GSAP: variants seen among roughly 807,000 people sequenced by gnomAD.
The protein encoded by GSAP is gamma-secretase activating protein.
GSAP carries 118 observed loss-of-function variants against 131.7 expected under a neutral mutation model. The ratio of observed to expected loss-of-function variants is 0.90; its 90% CI spans 0.77 to 1.04. The LOEUF (loss-of-function observed/expected upper bound fraction) is 1.04, where lower values mean the gene tolerates loss of function less well. Among genes scored for constraint, GSAP ranks in the 50% least tolerant of loss-of-function variants. The probability of loss-of-function intolerance (pLI) is 0.00; values close to 1 mark genes in which losing one functional copy is unlikely to be tolerated. For missense variants in GSAP, 1,019 were observed against 1,013.2 expected (o/e 1.01, Z -0.08); for synonymous variants, 381 against 363.4 (o/e 1.05, Z -0.55).
At chr7:77,320,042 TA>T (rs1301744447) in intron 26 of GSAP, among the ~76,000 whole-genome samples, 35 of 152,022 alleles carry the variant, frequency 2.3e-4, no homozygotes, top group Non-Finnish European at 4.0e-4. Context: ...TCTTACACAA[TA>T]AAAAAATGAA....
Position 77,400,963 on chromosome 7 carries a change from C to A in GSAP, c.244-3548G>T, listed in dbSNP as rs551781722. On this transcript the variant is annotated intron_variant, in intron 3 of 30. Coordinates refer to ENST00000257626, the MANE Select transcript of GSAP (RefSeq NM_017439.4). ...TTTTTTTTTTTTTTTTTAACAAAAC[C>A]TCCATGGGTAGGCTCAACAACATAG... 7.4e-5 allele frequency among the ~76,000 whole-genome samples: 11 copies of A among 148,278 alleles called. No homozygotes were observed. In the South Asian group the frequency reaches 2.4e-3, roughly 32 times the overall value.
intron 2 of GSAP, 131 bp from the exon 3 acceptor site, chr7:77,404,746 C>G (rs1255692874): frequency 3.1e-6 from 2 of 637,328 alleles, no homozygotes; most frequent in East Asian, 5.6e-5. Flanking sequence ...CTGTGCCTGT[C>G]AGAGGGGGAC....
rs1291180081 is a variant in GSAP at position 77,323,738 on chromosome 7, A to G, written c.1832T>C (p.Val611Ala). ...SHQRLLMGLM[V>A]SELKDHFLRH... ...CAAAAAATGGTCTTTTAGCTCAGACACCATCTGAAAACAGGATATGCATTA... is the reference window on the plus strand; with the variant it reads ...CAAAAAATGGTCTTTTAGCTCAGACGCCATCTGAAAACAGGATATGCATTA... The change falls in exon 24 of 31, where the codon GTG (valine) becomes GCG (alanine). Residue 611 changes from valine (V) to alanine (A), a missense_variant. Transcript: ENST00000257626. The G allele has an allele frequency of 1.3e-6, 2 of 1,551,070 alleles. No homozygotes were observed. The highest frequency in any genetic ancestry group is 1.8e-6 in the Non-Finnish European group (2 of 1,126,814).
intron 7 of GSAP, among the ~76,000 whole-genome samples, chr7:77,381,962 C>T (rs1797872030): frequency 1.3e-5 from 2 of 150,350 alleles, no homozygotes; most frequent in African/African-American, 2.5e-5. Context: ...AAAGCCTTAC[C>T]CCTCAAGCCT....
intron 8 of GSAP, chr7:77,379,776 C>T (rs1797511897): frequency 9.5e-6 from 6 of 631,630 alleles, no homozygotes; most frequent in Non-Finnish European, 1.2e-5. Flanking sequence ...GTGCTCCCAT[C>T]CGTCTGTCCT....
At chr7:77,401,031 T>A (rs1801229486) in intron 3 of GSAP, among the ~76,000 whole-genome samples, 1 of 150,462 alleles carries the variant, frequency 6.6e-6, no homozygotes, top group Non-Finnish European at 1.5e-5. Context: ...ACAATAGAAG[T>A]TACCTAATTT....
In GSAP at chr7:77,397,005, C is replaced by A. The variant is rs745801321; in HGVS notation, c.344G>T (p.Gly115Val). Residue 115 changes from glycine to valine, a missense_variant, in exon 5 of 31, where the codon GGA (glycine) becomes GTA (valine). Transcript: ENST00000257626. ...ACCTGGTTGAAGTTCGTTCCTTTTTCCTTCTTTAGTAGACTGAACTAAACT... is the reference window on the plus strand; with the variant it reads ...ACCTGGTTGAAGTTCGTTCCTTTTTACTTCTTTAGTAGACTGAACTAAACT... Reference protein sequence around the residue: ...AASLVQSTKEGKRNELQPGSK... With the variant: ...AASLVQSTKEVKRNELQPGSK... The A allele has an allele frequency of 3.7e-6, 6 of 1,600,148 alleles. No homozygotes were observed. Among genetic ancestry groups the A allele is most frequent in the Non-Finnish European group, 5.1e-6 (6 of 1,170,804 alleles).
intron 5 of GSAP, among the ~76,000 whole-genome samples, chr7:77,394,849 C>T (rs1800105394): frequency 6.6e-6 from 1 of 152,188 alleles, no homozygotes; most frequent in South Asian, 2.1e-4. Context: ...TCCCAAGTGC[C>T]CTTGGCAGAA....
At chr7:77,316,471 G>A (rs1294861267) in intron 26 of GSAP, among the ~76,000 whole-genome samples, 1 of 152,076 alleles carries the variant, frequency 6.6e-6, no homozygotes, top group Non-Finnish European at 1.5e-5. Flanking sequence ...TGTGTTAATG[G>A]GCTAACAGGA....
chr7:77,416,179 G>A, intron 1 of GSAP, 34 bp downstream of exon 1: 3 of 435,046 alleles, frequency 6.9e-6, no homozygotes, highest in South Asian at 3.2e-5. Flanking sequence ...CCCACTCCCC[G>A]CCCCCACCCC....
At chr7:77,355,792 T>G (rs1793616633) in intron 14 of GSAP, 145 bp from the exon 15 acceptor site, 3 of 510,210 alleles carry the variant, frequency 5.9e-6, no homozygotes, top group Admixed American at 3.5e-5. Flanking sequence ...AGCCCGTTTT[T>G]TTTTTTTTTT....
chr7:77,356,992 G>C (rs542230047), intron 14 of GSAP, among the ~76,000 whole-genome samples: 2 of 152,294 alleles, frequency 1.3e-5, no homozygotes, highest in South Asian at 4.1e-4. Context: ...CACTTTACTA[G>C]AAAACCACAA....
At chr7:77,392,120 G>C (rs1381965899) in intron 5 of GSAP, among the ~76,000 whole-genome samples, 2 of 152,058 alleles carry the variant, frequency 1.3e-5, no homozygotes, top group Non-Finnish European at 2.9e-5. Flanking sequence ...GGCTACTCAG[G>C]AGGCTGAGGC....
At chr7:77,376,177 T>C (rs1796824832) in intron 10 of GSAP, among the ~76,000 whole-genome samples, 1 of 152,196 alleles carries the variant, frequency 6.6e-6, no homozygotes, top group African/African-American at 2.4e-5. Context: ...CCCCATCAAT[T>C]ATTAGGTTGG....
At position 77,355,215 on chromosome 7, in the gene GSAP, G is replaced by A. The variant is rs752273137; in HGVS notation, c.1336C>T (p.Gln446Ter). ...TAAAACATGAGCTATCTTCTCACCTGGGCTTCCAGGAACTGCGCACCTTGA... is the reference window on the plus strand; with the variant it reads ...TAAAACATGAGCTATCTTCTCACCTAGGCTTCCAGGAACTGCGCACCTTGA... ...CGQGAQFLEA[Q>*]IIQWISENVS... The change falls in exon 16 of 31, where the codon CAG (glutamine) becomes TAG (stop). Residue 446 changes from glutamine to a stop codon, truncating the protein, a stop_gained and splice_region_variant. Transcript: ENST00000257626. LOFTEE classifies it high-confidence loss of function. 6.2e-7 allele frequency: 1 copy of A among 1,601,296 alleles called. No homozygotes were observed. Among genetic ancestry groups the A allele is most frequent in the South Asian group, 1.1e-5 (1 of 90,730 alleles).
chr7:77,361,783 C>A (rs2150918182), intron 13 of GSAP, among the ~76,000 whole-genome samples: 1 of 152,312 alleles, frequency 6.6e-6, no homozygotes, highest in East Asian at 1.9e-4. Context: ...CTGTGATTGA[C>A]TACAGAACCA....
intron 23 of GSAP, 78 bp from the exon 24 acceptor site, chr7:77,323,820 T>C (rs1787969979): frequency 3.4e-6 from 2 of 594,738 alleles, no homozygotes; most frequent in South Asian, 2.1e-5. Flanking sequence ...GATCCACTTA[T>C]TAACATTCTT....
At chr7:77,356,335 C>A (rs1225620997) in intron 14 of GSAP, among the ~76,000 whole-genome samples, 2 of 152,158 alleles carry the variant, frequency 1.3e-5, no homozygotes, top group African/African-American at 4.8e-5. Flanking sequence ...ATAAAAATAT[C>A]AAGCAACACG....
chr7:77,311,994 TTAAAA>T (rs1258344600), intron 29 of GSAP, 54 bp from the exon 30 acceptor site: 1 of 1,266,448 alleles, frequency 7.9e-7, no homozygotes, highest in Non-Finnish European at 1.2e-6. Context: ...AAGCACAATT[TTAAAA>T]TAAAGTGATA....
Sources: gnomAD v4.1 joint callset for allele counts (sites outside exome capture counted in the v4.1 genomes callset) on GRCh38, gnomAD v4.1.1 for gene constraint, MANE v1.5 for transcripts, NCBI Gene and HGNC (gene_info 2026-07-23, HGNC 2026-07-21) for gene names.